Variants in SAMD3 observed in about 807,000 individuals in gnomAD.
SAMD3 encodes sterile alpha motif domain containing 3, also known as sterile alpha motif domain-containing protein 3.
SAMD3 carries 63 observed loss-of-function variants against 58.5 expected under a neutral mutation model. The ratio of observed to expected loss-of-function variants is 1.08; its 90% CI spans 0.88 to 1.33. The LOEUF is 1.33. Among genes scored for constraint, SAMD3 ranks in the 40% most tolerant of loss-of-function variants. SAMD3 has a pLI of 0.00. For synonymous variants in SAMD3, 220 were observed against 210.3 expected, an observed-to-expected ratio of 1.05 and a Z score of -0.40; for missense variants, 604 against 608.4, an observed-to-expected ratio of 0.99 and a Z score of 0.08.
intron 5 of SAMD3, among the ~76,000 whole-genome samples, chr6:130,196,501 T>C (rs1475489107): frequency 2.0e-5 from 3 of 152,162 alleles, no homozygotes; most frequent in East Asian, 3.9e-4. Flanking sequence ...TGATCACACT[T>C]AGTTTATTGA....
intron 2 of SAMD3, among the ~76,000 whole-genome samples, chr6:130,249,541 A>G (rs1203838144): frequency 2.0e-5 from 3 of 152,168 alleles, no homozygotes; most frequent in Non-Finnish European, 1.5e-5. Context: ...TCTGCATCCC[A>G]CGGTGTATGC....
chr6:130,305,273 A>G (rs1191924724), intron 2 of SAMD3, among the ~76,000 whole-genome samples: 1 of 152,198 alleles, frequency 6.6e-6, no homozygotes, highest in Non-Finnish European at 1.5e-5. Flanking sequence ...TTTTATTTCT[A>G]GCAACACTGC....
At chr6:130,265,732 G>A (rs920806049) in intron 2 of SAMD3, among the ~76,000 whole-genome samples, 1 of 151,708 alleles carries the variant, frequency 6.6e-6, no homozygotes, top group Non-Finnish European at 1.5e-5. Context: ...GACTGGTGGG[G>A]GCTCATAAAC....
chr6:130,223,356 T>C (rs1360165006), upstream of SAMD3, among the ~76,000 whole-genome samples: 1 of 152,240 alleles, frequency 6.6e-6, no homozygotes, highest in African/African-American at 2.4e-5. Flanking sequence ...ATTGGCTGAA[T>C]GTAATTCTCG....
chr6:130,269,025 A>C (rs1180873301), intron 2 of SAMD3, among the ~76,000 whole-genome samples: 1 of 151,860 alleles, frequency 6.6e-6, no homozygotes, highest in Non-Finnish European at 1.5e-5. Context: ...AGGTCTGAGG[A>C]TTATTTGCCT....
At chr6:130,180,962 T>TTTTTTTTTTTTTG (rs1792269051) in intron 7 of SAMD3, among the ~76,000 whole-genome samples, 1 of 145,560 alleles carries the variant, frequency 6.9e-6, no homozygotes. Context: ...TCTTTTTTCT[T>TTTTTTTTTTTTTG]TTGAGACGGA....
chr6:130,319,043 A>C (rs1446637075), intron 1 of SAMD3, among the ~76,000 whole-genome samples: 2 of 152,174 alleles, frequency 1.3e-5, no homozygotes, highest in African/African-American at 2.4e-5. Flanking sequence ...GTATTGCAGA[A>C]AAAATGATGA....
chr6:130,358,243 A>G (rs1777891758), intron 1 of SAMD3, among the ~76,000 whole-genome samples: 1 of 152,238 alleles, frequency 6.6e-6, no homozygotes, highest in Non-Finnish European at 1.5e-5. Flanking sequence ...ACGTATCTAA[A>G]AGAAGCAAAT....
At chr6:130,189,017 C>T (rs928763557) in intron 5 of SAMD3, among the ~76,000 whole-genome samples, 36 of 151,742 alleles carry the variant, frequency 2.4e-4, no homozygotes, top group African/African-American at 8.7e-4. Context: ...GTTCTCCATG[C>T]TCCATCTTAG....
At chr6:130,184,319 T>C (rs185596575) in intron 6 of SAMD3, 119 bp downstream of exon 6, 2 of 1,156,716 alleles carry the variant, frequency 1.7e-6, no homozygotes, top group Admixed American at 2.5e-5. Flanking sequence ...TATTGGGCAA[T>C]TGGGACCTAT....
intron 2 of SAMD3, among the ~76,000 whole-genome samples, chr6:130,293,979 G>A (rs1775471413): frequency 6.6e-6 from 1 of 152,072 alleles, no homozygotes. Flanking sequence ...CTTCAAGACT[G>A]ACCAGAAGAG....
chr6:130,327,415 A>G (rs1350656046), intron 1 of SAMD3, among the ~76,000 whole-genome samples: 3 of 152,202 alleles, frequency 2.0e-5, no homozygotes, highest in Admixed American at 2.0e-4. Flanking sequence ...ATTTTTCTCT[A>G]GAATATCAGT....
At chr6:130,280,329 G>A (rs12199419) in intron 2 of SAMD3, among the ~76,000 whole-genome samples, 48,264 of 151,978 alleles carry the variant, frequency 0.32, 7,899 homozygotes, top group East Asian at 0.47. Flanking sequence ...ATAATGGCAT[G>A]TAATGACATA....
chr6:130,172,392 G>A (rs1791333016), intron 8 of SAMD3, among the ~76,000 whole-genome samples: 1 of 152,194 alleles, frequency 6.6e-6, no homozygotes, highest in South Asian at 2.1e-4. Flanking sequence ...CTCTTGTAAA[G>A]CAGGCCCAGT....
chr6:130,235,495 TA>T (rs1488777976), intron 2 of SAMD3, among the ~76,000 whole-genome samples: 2 of 152,204 alleles, frequency 1.3e-5, no homozygotes, highest in African/African-American at 4.8e-5. Flanking sequence ...TCATTAAGTA[TA>T]AGGTCACTGT....
chr6:130,219,501 C>T (rs999972553), intron 1 of SAMD3, among the ~76,000 whole-genome samples: 7 of 152,108 alleles, frequency 4.6e-5, no homozygotes, highest in Non-Finnish European at 1.0e-4. Flanking sequence ...CACTTTTTCC[C>T]GAGTCCTCAA....
chr6:130,286,621 T>C (rs1219748627), intron 2 of SAMD3, among the ~76,000 whole-genome samples: 1 of 152,214 alleles, frequency 6.6e-6, no homozygotes, highest in Non-Finnish European at 1.5e-5. Context: ...TATCCATATA[T>C]TTTTTCTATT....
rs141973390 is a variant in SAMD3, at chr6:130,152,676, CAATA to C, written c.1023+2145_1023+2148del. On this transcript the variant is annotated intron_variant, in intron 9 of 11. Transcript: ENST00000439090. ...TGGGCGACAAAGTAAGACTCTGTCT[CAATA>C]AATAAATAAATAAATAAATAAAACA... Among the ~76,000 whole-genome samples, 584 of 151,802 alleles carry C rather than the reference CAATA, an allele frequency of 3.8e-3. 2 individuals carry two copies. The highest frequency in any genetic ancestry group is 6.7e-3 in the Non-Finnish European group (458 of 67,910).
chr6:130,265,260 C>A (rs770574616), intron 2 of SAMD3, among the ~76,000 whole-genome samples: 1 of 152,152 alleles, frequency 6.6e-6, no homozygotes, highest in South Asian at 2.1e-4. Context: ...TTCTAGTGGG[C>A]CCAACCTCCA....
Sources: allele counts gnomAD v4.1 joint callset (sites outside exome capture counted in the v4.1 genomes callset), GRCh38; gene constraint gnomAD v4.1.1; transcripts MANE v1.5; gene names NCBI Gene and HGNC (gene_info 2026-07-23, HGNC 2026-07-21).